The following APAF1 variants were observed in gnomAD, a reference collection of about 807,000 sequenced individuals.
APAF1 encodes apoptotic peptidase activating factor 1, also known as apoptotic protease-activating factor 1.
Under a neutral mutation model 152.4 loss-of-function variants are expected in APAF1, and 91 were observed. That is an observed-to-expected ratio of 0.60 (90% confidence interval 0.50 to 0.71). The LOEUF is 0.71. Ranked by LOEUF, APAF1 falls within the 30% of genes least tolerant of loss-of-function variation. APAF1 has a pLI of 0.00. For synonymous variants in APAF1, 484 were observed against 494.1 expected (o/e 0.98, Z 0.27); for missense variants, 1,283 against 1,472.0 (o/e 0.87, Z 2.10).
intron 18 of APAF1, among the ~76,000 whole-genome samples, chr12:98,706,120 G>A (rs1289539940): frequency 3.3e-5 from 5 of 152,074 alleles, no homozygotes; most frequent in Non-Finnish European, 4.4e-5. Context: ...AGATAGTAGT[G>A]TATAGTATAT....
At chr12:98,678,308 G>T (rs1479998645) in intron 13 of APAF1, among the ~76,000 whole-genome samples, 8 of 152,272 alleles carry the variant, frequency 5.3e-5, no homozygotes, top group Admixed American at 4.6e-4. Context: ...GCGGCGGGCT[G>T]CCTGGAGTGG....
chr12:98,648,571 C>CT, intron 2 of APAF1, 55 bp from the exon 3 acceptor site: 1 of 1,609,664 alleles, frequency 6.2e-7, no homozygotes, highest in South Asian at 1.1e-5. Flanking sequence ...GTCTCCACTA[C>CT]TTTATGTTGC....
At chr12:98,696,365 T>C (rs192902328) in intron 16 of APAF1, among the ~76,000 whole-genome samples, 1 of 152,122 alleles carries the variant, frequency 6.6e-6, no homozygotes, top group South Asian at 2.1e-4. Context: ...CCCGCACTCT[T>C]GAGAACTAAT....
At chr12:98,646,823 A>G (rs1015485146) in intron 1 of APAF1, among the ~76,000 whole-genome samples, 9 of 152,194 alleles carry the variant, frequency 5.9e-5, no homozygotes, top group Admixed American at 5.9e-4. Flanking sequence ...AACGTCAAGT[A>G]TTTTACTATA....
intron 17 of APAF1, 41 bp from the exon 18 acceptor site, chr12:98,703,330 A>T (rs1453870025): frequency 6.2e-7 from 1 of 1,608,894 alleles, no homozygotes; most frequent in Admixed American, 1.7e-5. Flanking sequence ...TTATCTCTTA[A>T]AGTATTTTAC....
At position 98,703,433 on chromosome 12, in the gene APAF1, C is replaced by T. The variant is rs963727223; in HGVS notation, c.2529C>T (p.Ile843=). Residue 843 remains isoleucine, a synonymous_variant, in exon 18 of 27, where the codon ATC becomes ATT. Transcript: ENST00000551964. ...GEIHTGHHST[I]QYCDFSPQNH... is the part of the protein sequence containing the mutation. ...TCCACACGGGCCATCACAGCACCAT[C>T]CAGTACTGTGACTTCTCCCCACAAA... 4 of 1,613,796 alleles carry T rather than the reference C, an allele frequency of 2.5e-6. No homozygotes were observed. The highest frequency in any genetic ancestry group is 1.3e-5 in the African/African-American group (1 of 74,914).
At chr12:98,726,020 G>GTT (rs1321696646) in intron 25 of APAF1, among the ~76,000 whole-genome samples, 1 of 152,168 alleles carries the variant, frequency 6.6e-6, no homozygotes, top group East Asian at 1.9e-4. Context: ...CTGCCTGCCT[G>GTT]TTAAACAGTG....
chr12:98,679,128 C>T (rs2097689648), intron 13 of APAF1, among the ~76,000 whole-genome samples: 1 of 152,206 alleles, frequency 6.6e-6, no homozygotes, highest in South Asian at 2.1e-4. Flanking sequence ...CCATGTCTGC[C>T]CATGGACCAG....
chr12:98,692,223 C>T (rs551217396), intron 16 of APAF1, among the ~76,000 whole-genome samples: 7 of 152,246 alleles, frequency 4.6e-5, no homozygotes, highest in Admixed American at 4.6e-4. Context: ...GCTGGGAGTA[C>T]AGGCGCCCGC....
chr12:98,720,209 G>A (rs757928400), intron 22 of APAF1, among the ~76,000 whole-genome samples: 5 of 152,160 alleles, frequency 3.3e-5, no homozygotes, highest in African/African-American at 4.8e-5. Context: ...TCAGCTAGGG[G>A]GAAGAATAAT....
Position 98,666,306 on chromosome 12 carries a change from A to ACAT in APAF1, c.1312_1314dup (p.His438dup). ...ATGGAAAGTCGTTTCGTTATTATTT[A>ACAT]CATGATCTTCAAGTAGATTTTCTTA... On this transcript the variant is annotated inframe_insertion, in exon 9 of 27. Coordinates refer to ENST00000551964, the MANE Select transcript of APAF1 (RefSeq NM_181861.2). 1 of 1,613,724 alleles carries ACAT rather than the reference A, an allele frequency of 6.2e-7. No individual in the cohort carries two copies. The highest frequency in any genetic ancestry group is 8.5e-7 in the Non-Finnish European group (1 of 1,179,912).
At chr12:98,718,844 G>A (rs2153341759) in intron 22 of APAF1, among the ~76,000 whole-genome samples, 1 of 152,148 alleles carries the variant, frequency 6.6e-6, no homozygotes, top group African/African-American at 2.4e-5. Context: ...TGAGGTTGGA[G>A]GATCGCTTGA....
chr12:98,668,897 A>G (rs2097676715), intron 10 of APAF1, among the ~76,000 whole-genome samples: 1 of 152,196 alleles, frequency 6.6e-6, no homozygotes, highest in African/African-American at 2.4e-5. Flanking sequence ...AAAGATGAAA[A>G]TAAGGAATTA....
At chr12:98,650,418 G>A (rs1220645742) in intron 4 of APAF1, among the ~76,000 whole-genome samples, 3 of 151,918 alleles carry the variant, frequency 2.0e-5, no homozygotes, top group East Asian at 1.9e-4. Context: ...CCTAGGAGGC[G>A]GAGGTTGCAG....
intron 8 of APAF1, 54 bp from the exon 9 acceptor site, chr12:98,666,136 C>A: frequency 6.6e-7 from 1 of 1,524,442 alleles, no homozygotes; most frequent in Non-Finnish European, 9.1e-7. Flanking sequence ...TACCTGTCTA[C>A]AGTCCTGGTC....
chr12:98,717,352 A>G (rs2097735982), intron 22 of APAF1, among the ~76,000 whole-genome samples: 1 of 151,340 alleles, frequency 6.6e-6, no homozygotes, highest in Non-Finnish European at 1.5e-5. Context: ...TAGAAATTAT[A>G]TACACACACA....
At chr12:98,682,890 T>A (rs1239204145) in intron 14 of APAF1, among the ~76,000 whole-genome samples, 1 of 152,218 alleles carries the variant, frequency 6.6e-6, no homozygotes, top group East Asian at 1.9e-4. Context: ...TTAAGAAATG[T>A]CATGTGTTCA....
intron 17 of APAF1, 46 bp from the exon 18 acceptor site, chr12:98,703,325 T>A: frequency 1.2e-6 from 2 of 1,603,950 alleles, no homozygotes; most frequent in Non-Finnish European, 1.7e-6. Flanking sequence ...ATAGCTTATC[T>A]CTTAAAGTAT....
chr12:98,684,319 A>G (rs1443548224), intron 15 of APAF1, among the ~76,000 whole-genome samples: 1 of 152,010 alleles, frequency 6.6e-6, no homozygotes, highest in Non-Finnish European at 1.5e-5. Context: ...TAAGAGTTAA[A>G]GCTTGCTGCT....
Sources: allele counts gnomAD v4.1 joint callset (sites outside exome capture counted in the v4.1 genomes callset), GRCh38; gene constraint gnomAD v4.1.1; transcripts MANE v1.5; gene names NCBI Gene and HGNC (gene_info 2026-07-23, HGNC 2026-07-21).